The following EPB41L4A variants were observed in gnomAD, a reference collection of about 807,000 sequenced individuals.
EPB41L4A encodes band 4.1-like protein 4A.
In EPB41L4A, 100 loss-of-function variants were observed where a neutral mutation model predicts 108.6. The observed-to-expected ratio is 0.92, with a 90% CI of 0.78 to 1.09. The LOEUF (loss-of-function observed/expected upper bound fraction) is 1.09. Ranked by LOEUF, EPB41L4A falls within the 50% of genes least tolerant of loss-of-function variation. The pLI is 0.00. For missense variants in EPB41L4A, 1,030 were observed against 842.7 expected (o/e 1.22, Z -2.75); for synonymous variants, 319 against 289.0 (o/e 1.10, Z -1.05).
rs111845085 is a variant in EPB41L4A, at chr5:112,233,169, A to C, written c.1087+1465T>G. On this transcript the variant is annotated intron_variant, in intron 12 of 22. Coordinates refer to ENST00000261486, the MANE Select transcript of EPB41L4A (RefSeq NM_022140.5). ...ACACACTGTATATAATGTTGGCAGG[A>C]AGAATCAAGACACAAAAAAAGACAT... Among the ~76,000 whole-genome samples, 4 of 152,376 alleles carry C rather than the reference A, an allele frequency of 2.6e-5. 1 individual carries two copies. The highest frequency in any genetic ancestry group is 9.6e-5 in the African/African-American group (4 of 41,588).
chr5:112,367,849 C>CTGG (rs757788195), intron 1 of EPB41L4A, among the ~76,000 whole-genome samples: 1,867 of 148,802 alleles, frequency 0.013, 51 homozygotes, highest in African/African-American at 0.045. Flanking sequence ...AACTCAGTAC[C>CTGG]CGGCTGAACA....
intron 2 of EPB41L4A, among the ~76,000 whole-genome samples, chr5:112,296,968 A>C (rs983423715): frequency 6.8e-6 from 1 of 148,128 alleles, no homozygotes; most frequent in African/African-American, 2.6e-5. Flanking sequence ...GTAGTATTCC[A>C]TCACATACAT....
chr5:112,375,308 GTC>G (rs148433133), intron 1 of EPB41L4A, among the ~76,000 whole-genome samples: 5 of 131,810 alleles, frequency 3.8e-5, no homozygotes, highest in South Asian at 2.2e-4. Flanking sequence ...AACAAGGTCA[GTC>G]TCTCTCTCTC....
chr5:112,249,287 C>T (rs1033646230), intron 9 of EPB41L4A: 4 of 152,106 alleles, frequency 2.6e-5, no homozygotes, highest in African/African-American at 9.7e-5. Context: ...CAATCATTAA[C>T]TCAGTTTAGG....
At position 112,268,389 on chromosome 5, in the gene EPB41L4A, CA is replaced by C. The variant is rs112698178; in HGVS notation, c.336-2060del. Among the ~76,000 whole-genome samples, 8 of 146,730 alleles carry C rather than the reference CA, an allele frequency of 5.5e-5. 1 individual carries two copies. The highest frequency in any genetic ancestry group is 1.5e-4 in the African/African-American group (6 of 39,992). On this transcript the variant is annotated intron_variant, in intron 4 of 22. Coordinates refer to ENST00000261486, the MANE Select transcript of EPB41L4A (RefSeq NM_022140.5). ...CAAGACCCTGTCTCAAAAAAACAAA[CA>C]AAAAAAAAACCTTATAAACAAAAGA...
intron 1 of EPB41L4A, among the ~76,000 whole-genome samples, chr5:112,370,860 A>C (rs1580777546): frequency 6.6e-6 from 1 of 152,294 alleles, no homozygotes; most frequent in East Asian, 1.9e-4. Context: ...AATCACTTGA[A>C]CCCAGGAGGT....
intron 1 of EPB41L4A, among the ~76,000 whole-genome samples, chr5:112,333,769 C>A (rs1756740774): frequency 6.6e-6 from 1 of 152,164 alleles, no homozygotes; most frequent in South Asian, 2.1e-4. Context: ...CGGCTGTCTG[C>A]CAGGGCCTCT....
chr5:112,212,884 T>G (rs958418655), intron 12 of EPB41L4A, among the ~76,000 whole-genome samples: 1 of 152,164 alleles, frequency 6.6e-6, no homozygotes, highest in Non-Finnish European at 1.5e-5. Context: ...GACTGACTAC[T>G]TTTTTCTTAG....
At chr5:112,388,001 C>G (rs1760675029) in intron 1 of EPB41L4A, among the ~76,000 whole-genome samples, 2 of 152,136 alleles carry the variant, frequency 1.3e-5, no homozygotes, top group African/African-American at 2.4e-5. Flanking sequence ...TGTAGGAGGA[C>G]TGACAGAAAT....
chr5:112,281,384 G>A (rs775507358), intron 2 of EPB41L4A, among the ~76,000 whole-genome samples: 8 of 152,138 alleles, frequency 5.3e-5, no homozygotes, highest in African/African-American at 1.2e-4. Flanking sequence ...CTCTAGCTTC[G>A]CCTCTCCATC....
Position 112,164,832 on chromosome 5 carries a change from A to C in EPB41L4A, c.*158T>G, listed in dbSNP as rs1187996435. 9.0e-6 allele frequency: 1 copy of C among 111,608 alleles called. No individual in the cohort carries two copies. The highest frequency in any genetic ancestry group is 1.5e-5 in the Non-Finnish European group (1 of 65,442). The allele number at this position is 111,608 out of a possible 1,614,324, so 6.9% of individuals were successfully genotyped here. The stretch of plus-strand genomic sequence containing the variant: ...CTGGGCGACAGAGTGATAACATCTC[A>C]AAAAAAAAAAAAAAAAGAAGCAAAA... On this transcript the variant is annotated 3_prime_UTR_variant, in exon 23 of 23. Coordinates refer to ENST00000261486, the MANE Select transcript of EPB41L4A (RefSeq NM_022140.5).
At chr5:112,358,410 C>A (rs1369264753) in intron 1 of EPB41L4A, among the ~76,000 whole-genome samples, 1 of 152,206 alleles carries the variant, frequency 6.6e-6, no homozygotes, top group Non-Finnish European at 1.5e-5. Context: ...TTCACAAAGA[C>A]TGTAACTGTC....
At chr5:112,408,190 G>A (rs565787731) in intron 1 of EPB41L4A, among the ~76,000 whole-genome samples, 16 of 152,158 alleles carry the variant, frequency 1.1e-4, no homozygotes, top group South Asian at 4.2e-4. Flanking sequence ...ATGGTGTTGC[G>A]ACATGTGCAA....
chr5:112,329,871 CA>C, intron 1 of EPB41L4A, among the ~76,000 whole-genome samples: 1 of 151,912 alleles, frequency 6.6e-6, no homozygotes, highest in Non-Finnish European at 1.5e-5. Flanking sequence ...TCTGCCACAT[CA>C]AAAAGAGAGG....
intron 1 of EPB41L4A, among the ~76,000 whole-genome samples, chr5:112,330,491 G>A (rs1316599516): frequency 6.6e-6 from 1 of 152,176 alleles, no homozygotes; most frequent in Admixed American, 6.5e-5. Flanking sequence ...GCAGGATGCA[G>A]GGTATCAGTG....
At position 112,170,423 on chromosome 5, in the gene EPB41L4A, T is replaced by C; in HGVS notation, c.1671-54A>G. ...GTTGTGGTGCTGGTATAAATGCTAGTATCTTTCACAATCGGCAGGTGAGTT... is the reference window on the plus strand; with the variant it reads ...GTTGTGGTGCTGGTATAAATGCTAGCATCTTTCACAATCGGCAGGTGAGTT... On this transcript the variant is annotated intron_variant, in intron 19 of 22. Coordinates refer to ENST00000261486, the MANE Select transcript of EPB41L4A (RefSeq NM_022140.5). The C allele has an allele frequency of 3.5e-6, 4 of 1,153,384 alleles. No homozygotes were observed. The South Asian group carries it at 3.9e-5, about 11-fold the overall frequency. The allele number at this position is 1,153,384 out of a possible 1,614,324, so 71.4% of individuals were successfully genotyped here.
intron 1 of EPB41L4A, among the ~76,000 whole-genome samples, chr5:112,319,423 A>C (rs1388841216): frequency 6.6e-6 from 1 of 152,208 alleles, no homozygotes. Flanking sequence ...AGAATAAGAA[A>C]ACTACCATCA....
At chr5:112,247,076 A>C (rs1750292480) in intron 9 of EPB41L4A, among the ~76,000 whole-genome samples, 1 of 152,222 alleles carries the variant, frequency 6.6e-6, no homozygotes, top group South Asian at 2.1e-4. Flanking sequence ...TGATGTATAC[A>C]CAATGACAAA....
At chr5:112,161,371 T>C (rs1018158248), downstream of EPB41L4A, 21 of 416,900 alleles carry the variant, frequency 5.0e-5, no homozygotes, top group Admixed American at 1.7e-4. Context: ...TTAAGTCGGA[T>C]TTTAAATCGT....
Sources: allele counts gnomAD v4.1 joint callset (sites outside exome capture counted in the v4.1 genomes callset), GRCh38; gene constraint gnomAD v4.1.1; transcripts MANE v1.5; gene names NCBI Gene and HGNC (gene_info 2026-07-23, HGNC 2026-07-21).